The following DEPDC5 variants were observed in gnomAD, a reference collection of about 807,000 sequenced individuals.
The protein encoded by DEPDC5 is DEP domain containing 5, GATOR1 subcomplex subunit.
A neutral mutation model predicts 217.3 loss-of-function variants in DEPDC5; 73 were observed. The ratio of observed to expected loss-of-function variants is 0.34; its 90% CI spans 0.28 to 0.41. The LOEUF (loss-of-function observed/expected upper bound fraction) is 0.41, where lower values mean the gene tolerates loss of function less well. DEPDC5 is among the 10% of genes least tolerant of loss of function. The probability of loss-of-function intolerance (pLI) is 1.00; values close to 1 mark genes in which losing one functional copy is unlikely to be tolerated. For synonymous variants in DEPDC5, 733 were observed against 756.7 expected, an observed-to-expected ratio of 0.97 and a Z score of 0.51; for missense variants, 1,675 against 2,070.1, an observed-to-expected ratio of 0.81 and a Z score of 3.70.
At chr22:31,812,420 C>CTTTTTTTTTTT (rs57618137) in intron 20 of DEPDC5, among the ~76,000 whole-genome samples, 1 of 98,286 alleles carries the variant, frequency 1.0e-5, no homozygotes, top group Non-Finnish European at 1.9e-5. Context: ...TTCCATATTT[C>CTTTTTTTTTTT]TTTTTTTTTT....
intron 14 of DEPDC5, among the ~76,000 whole-genome samples, chr22:31,802,430 C>T (rs1006418415): frequency 1.3e-5 from 2 of 152,004 alleles, no homozygotes; most frequent in Admixed American, 6.6e-5. Context: ...ATACCCAGCC[C>T]TCACAGCATG....
chr22:31,785,033 T>C (rs1371218929), intron 10 of DEPDC5, 158 bp downstream of exon 10: 2 of 614,054 alleles, frequency 3.3e-6, no homozygotes, highest in Non-Finnish European at 5.5e-6. Flanking sequence ...TTTATGAGAA[T>C]TTATGAAAAA....
At chr22:31,759,459 T>C (rs5749330) in intron 3 of DEPDC5, among the ~76,000 whole-genome samples, 125,300 of 150,712 alleles carry the variant, frequency 0.83, 52,689 homozygotes, top group African/African-American at 0.95. Flanking sequence ...CTGCAATCTC[T>C]GTCTTCCGGG....
chr22:31,895,976 A>G (rs1602886070), intron 39 of DEPDC5, among the ~76,000 whole-genome samples: 1 of 151,648 alleles, frequency 6.6e-6, no homozygotes, highest in African/African-American at 2.4e-5. Context: ...TCTCTGACCC[A>G]GTAGGCATAA....
intron 20 of DEPDC5, among the ~76,000 whole-genome samples, chr22:31,811,457 CGTTTAA>C (rs1247126968): frequency 6.6e-6 from 1 of 152,068 alleles, no homozygotes; most frequent in African/African-American, 2.4e-5. Context: ...TTGGACACAG[CGTTTAA>C]GTTTATTATT....
intron 2 of DEPDC5, chr22:31,755,453 G>C (rs1040426789): frequency 1.3e-5 from 2 of 154,992 alleles, no homozygotes; most frequent in African/African-American, 4.8e-5. Flanking sequence ...TATAGTCTGA[G>C]TATCTACTCT....
intron 17 of DEPDC5, among the ~76,000 whole-genome samples, chr22:31,805,586 C>T (rs1253175370): frequency 1.3e-5 from 2 of 151,870 alleles, no homozygotes; most frequent in Admixed American, 6.6e-5. Context: ...CTGCAACCTC[C>T]ACCACCCGGG....
chr22:31,793,449 C>T lies in DEPDC5; in HGVS notation c.767+632C>T, dbSNP rs1203652404. Among the ~76,000 whole-genome samples, 6 of 151,778 alleles carry T rather than the reference C, an allele frequency of 4.0e-5. No homozygotes were observed. The East Asian group carries it at 1.2e-3, about 29-fold the overall frequency. ...TATTATTTTGTCATATTTGATTCAT[C>T]TGTTTTTTTCAGTGCCATTGACTAA... On this transcript the variant is annotated intron_variant, in intron 12 of 42. Coordinates refer to ENST00000651528, the MANE Select transcript of DEPDC5 (RefSeq NM_001242896.3).
chr22:31,770,674 G>A (rs1424338526), intron 7 of DEPDC5, among the ~76,000 whole-genome samples: 1 of 151,176 alleles, frequency 6.6e-6, no homozygotes, highest in Non-Finnish European at 1.5e-5. Flanking sequence ...TTACAGGTGT[G>A]AGCTACCTCA....
At chr22:31,807,442 G>GT (rs1220533801) in intron 18 of DEPDC5, among the ~76,000 whole-genome samples, 2 of 152,050 alleles carry the variant, frequency 1.3e-5, no homozygotes, top group Non-Finnish European at 2.9e-5. Flanking sequence ...GTCGTTGTTT[G>GT]TTTTTTTGAG....
At chr22:31,760,174 T>G (rs921401874) in intron 3 of DEPDC5, among the ~76,000 whole-genome samples, 1 of 151,998 alleles carries the variant, frequency 6.6e-6, no homozygotes, top group Non-Finnish European at 1.5e-5. Context: ...TTCACGCCAT[T>G]CTCCTGCCTC....
At chr22:31,823,391 G>A (rs2089879689) in intron 24 of DEPDC5, among the ~76,000 whole-genome samples, 1 of 152,036 alleles carries the variant, frequency 6.6e-6, no homozygotes, top group South Asian at 2.1e-4. Context: ...AGATTAGCCA[G>A]GCATGGTGAT....
At chr22:31,874,555 T>A in intron 36 of DEPDC5, 150 bp downstream of exon 36, 1 of 962,304 alleles carries the variant, frequency 1.0e-6, no homozygotes, top group Non-Finnish European at 1.5e-6. Context: ...CTGGAATTGA[T>A]GAAAGAACAA....
At chr22:31,861,490 G>C in intron 33 of DEPDC5, 57 bp downstream of exon 33, 1 of 1,538,188 alleles carries the variant, frequency 6.5e-7, no homozygotes, top group South Asian at 1.2e-5. Flanking sequence ...CCATGAGCTG[G>C]CCTTCTGTTA....
chr22:31,845,961 G>C (rs5998140), intron 30 of DEPDC5, among the ~76,000 whole-genome samples: 55,845 of 151,190 alleles, frequency 0.37, 11,540 homozygotes, highest in African/African-American at 0.56. Context: ...CCCACCTTAG[G>C]CTTCCAAGTA....
At chr22:31,796,996 C>CT (rs138290) in intron 12 of DEPDC5, among the ~76,000 whole-genome samples, 3,951 of 132,494 alleles carry the variant, frequency 0.03, 51 homozygotes, top group Middle Eastern at 0.049. Flanking sequence ...TGCCCAGCCT[C>CT]TTTTTTTTTT....
intron 10 of DEPDC5, among the ~76,000 whole-genome samples, chr22:31,788,498 G>A (rs976115369): frequency 2.0e-5 from 3 of 149,690 alleles, no homozygotes; most frequent in Non-Finnish European, 3.0e-5. Context: ...GGCTGATCTC[G>A]AACTCCTGAG....
chr22:31,790,401 C>T (rs1167452968), intron 10 of DEPDC5, among the ~76,000 whole-genome samples: 1 of 152,064 alleles, frequency 6.6e-6, no homozygotes, highest in Non-Finnish European at 1.5e-5. Context: ...CTGTAAACAC[C>T]CTACTTCTAG....
intron 22 of DEPDC5, among the ~76,000 whole-genome samples, chr22:31,820,617 G>T (rs983316229): frequency 6.6e-6 from 1 of 152,006 alleles, no homozygotes; most frequent in Admixed American, 6.6e-5. Context: ...GTTTCTTTCT[G>T]TGTCCTTTCC....
Sources: gnomAD v4.1 joint callset for allele counts (sites outside exome capture counted in the v4.1 genomes callset) on GRCh38, gnomAD v4.1.1 for gene constraint, MANE v1.5 for transcripts, NCBI Gene and HGNC (gene_info 2026-07-23, HGNC 2026-07-21) for gene names.